CACNA2D3: variants seen among roughly 807,000 people sequenced by gnomAD.
CACNA2D3 encodes the protein voltage-dependent calcium channel subunit alpha-2/delta-3.
Under a neutral mutation model 160.6 loss-of-function variants are expected in CACNA2D3, and 60 were observed. That is an observed-to-expected ratio of 0.37 (90% CI 0.30 to 0.46). CACNA2D3 has a LOEUF of 0.46. Among genes scored for constraint, CACNA2D3 ranks in the 20% least tolerant of loss-of-function variants. The probability of loss-of-function intolerance (pLI) is 1.00; values close to 1 mark genes in which losing one functional copy is unlikely to be tolerated. For synonymous variants in CACNA2D3, 558 were observed against 492.9 expected (o/e 1.13, Z -1.75); for missense variants, 1,205 against 1,365.0 (o/e 0.88, Z 1.85).
intron 35 of CACNA2D3, among the ~76,000 whole-genome samples, chr3:55,054,056 CT>C (rs35375093): frequency 1.3e-5 from 2 of 150,850 alleles, no homozygotes; most frequent in East Asian, 1.9e-4. Flanking sequence ...TACTTTTAAG[CT>C]TTTTTTTGTA....
chr3:55,021,715 G>GTAAA (rs1703460110), intron 35 of CACNA2D3, among the ~76,000 whole-genome samples: 1 of 141,406 alleles, frequency 7.1e-6, no homozygotes, highest in African/African-American at 2.7e-5. Context: ...ATATGTGTGT[G>GTAAA]TATATATATA....
At chr3:54,597,631 T>C (rs1384863718) in intron 9 of CACNA2D3, among the ~76,000 whole-genome samples, 1 of 152,156 alleles carries the variant, frequency 6.6e-6, no homozygotes, top group Non-Finnish European at 1.5e-5. Flanking sequence ...GTGGGAAAAC[T>C]GACAGCTGAA....
chr3:55,023,440 AAT>A (rs1156251261), intron 35 of CACNA2D3, among the ~76,000 whole-genome samples: 7 of 152,260 alleles, frequency 4.6e-5, no homozygotes, highest in South Asian at 4.1e-4. Context: ...TTCTCTTAAA[AAT>A]ATATGTTTTC....
intron 17 of CACNA2D3, among the ~76,000 whole-genome samples, chr3:54,860,837 G>A (rs573306968): frequency 5.9e-5 from 9 of 152,208 alleles, no homozygotes; most frequent in African/African-American, 2.2e-4. Context: ...AGTTTCCTCC[G>A]CTGAAAAATG....
chr3:55,042,728 A>T lies in CACNA2D3; in HGVS notation c.2987+24411A>T, dbSNP rs77219476. On this transcript the variant is annotated intron_variant, in intron 35 of 37. Coordinates refer to ENST00000474759, the MANE Select transcript of CACNA2D3 (RefSeq NM_018398.3). ...TTGTGTATTTACTACTATAATCAAG[A>T]TATAGCAATTCTATCATCTGAGAAA... is the stretch of plus-strand genomic sequence containing the variant. 5.3e-5 allele frequency among the ~76,000 whole-genome samples: 8 copies of T among 152,298 alleles called. No homozygotes were observed. The East Asian group carries it at 1.5e-3, about 29-fold the overall frequency.
At chr3:54,972,213 G>A (rs1380863993) in intron 29 of CACNA2D3, among the ~76,000 whole-genome samples, 4 of 152,130 alleles carry the variant, frequency 2.6e-5, no homozygotes, top group South Asian at 4.1e-4. Context: ...GTCATTTAAA[G>A]GTCCACATGC....
intron 4 of CACNA2D3, among the ~76,000 whole-genome samples, chr3:54,456,446 G>A (rs747836450): frequency 1.5e-4 from 23 of 151,944 alleles, no homozygotes; most frequent in South Asian, 8.3e-4. Flanking sequence ...TTGTTTGTCC[G>A]TTCTAAGAGT....
chr3:54,901,592 G>A (rs995438581), intron 27 of CACNA2D3, among the ~76,000 whole-genome samples: 1 of 152,176 alleles, frequency 6.6e-6, no homozygotes, highest in African/African-American at 2.4e-5. Context: ...TGAGTGGGTG[G>A]AGAAGGCACC....
chr3:54,351,168 G>A (rs1698558589), intron 3 of CACNA2D3, among the ~76,000 whole-genome samples: 1 of 151,552 alleles, frequency 6.6e-6, no homozygotes, highest in African/African-American at 2.4e-5. Context: ...TTTTACTAGA[G>A]AGGGGGTTAC....
chr3:54,269,521 A>G (rs1702578932), intron 2 of CACNA2D3, among the ~76,000 whole-genome samples: 2 of 152,204 alleles, frequency 1.3e-5, no homozygotes, highest in Non-Finnish European at 2.9e-5. Context: ...GGGACTGCAC[A>G]TTCTGAAGGT....
Position 54,582,529 on chromosome 3 carries a change from C to T in CACNA2D3, c.963+652C>T, listed in dbSNP as rs114585323. 6.3e-3 allele frequency among the ~76,000 whole-genome samples: 953 copies of T among 152,286 alleles called. 10 individuals are homozygous for T. The highest frequency in any genetic ancestry group is 0.011 in the Non-Finnish European group (742 of 68,028). ...CCTTTAAATTTGTCAGTACAGCTAC[C>T]GCAACCACCACTATACCACCCCTGC... On this transcript the variant is annotated intron_variant, in intron 9 of 37. Transcript: ENST00000474759.
intron 2 of CACNA2D3, among the ~76,000 whole-genome samples, chr3:54,154,515 G>A (rs991712815): frequency 1.4e-5 from 2 of 146,106 alleles, no homozygotes; most frequent in South Asian, 2.2e-4. Context: ...TGCCGCAAAC[G>A]CCCCTTACTC....
At chr3:54,229,179 T>C (rs1701725256) in intron 2 of CACNA2D3, among the ~76,000 whole-genome samples, 1 of 151,754 alleles carries the variant, frequency 6.6e-6, no homozygotes, top group Non-Finnish European at 1.5e-5. Context: ...AATTTGAAAG[T>C]ATTTCAGCTA....
chr3:54,611,416 G>A (rs1039515631), intron 9 of CACNA2D3, among the ~76,000 whole-genome samples: 4 of 152,200 alleles, frequency 2.6e-5, no homozygotes, highest in African/African-American at 9.7e-5. Context: ...CAAAGACTCA[G>A]ACTGTGAATG....
At chr3:54,721,035 G>A (rs1701159543) in intron 11 of CACNA2D3, among the ~76,000 whole-genome samples, 1 of 151,686 alleles carries the variant, frequency 6.6e-6, no homozygotes, top group Admixed American at 6.6e-5. Context: ...CTATTATTCA[G>A]TTTTGTCATC....
chr3:54,494,895 T>C (rs1047861932), intron 4 of CACNA2D3, among the ~76,000 whole-genome samples: 3 of 152,106 alleles, frequency 2.0e-5, no homozygotes, highest in Non-Finnish European at 4.4e-5. Context: ...CTCATGAGAA[T>C]TCACTGACTG....
intron 10 of CACNA2D3, among the ~76,000 whole-genome samples, chr3:54,637,024 A>G (rs1396603503): frequency 6.6e-6 from 1 of 151,876 alleles, no homozygotes; most frequent in Non-Finnish European, 1.5e-5. Context: ...AGGATAGGAG[A>G]GTATACGGGT....
At chr3:54,474,970 A>G (rs1700803343) in intron 4 of CACNA2D3, among the ~76,000 whole-genome samples, 1 of 152,118 alleles carries the variant, frequency 6.6e-6, no homozygotes, top group African/African-American at 2.4e-5. Flanking sequence ...TATAGCCACT[A>G]GTCTTTTTAT....
intron 2 of CACNA2D3, among the ~76,000 whole-genome samples, chr3:54,303,411 TAAG>T (rs1488063272): frequency 2.0e-5 from 3 of 152,224 alleles, no homozygotes; most frequent in Non-Finnish European, 2.9e-5. Context: ...GTTTGTTTAC[TAAG>T]AAGAAATTAA....
Sources: gnomAD v4.1 joint callset for allele counts (sites outside exome capture counted in the v4.1 genomes callset) on GRCh38, gnomAD v4.1.1 for gene constraint, MANE v1.5 for transcripts, NCBI Gene and HGNC (gene_info 2026-07-23, HGNC 2026-07-21) for gene names.